PRKDC: variants seen among roughly 807,000 people sequenced by gnomAD.
PRKDC encodes the protein protein kinase, DNA-activated, catalytic subunit, also known as DNA-dependent protein kinase catalytic subunit.
A neutral mutation model predicts 486.9 loss-of-function variants in PRKDC; 82 were observed. The ratio of observed to expected loss-of-function variants is 0.17; its 90% CI spans 0.14 to 0.20. The LOEUF (loss-of-function observed/expected upper bound fraction) is 0.20, where lower values mean the gene tolerates loss of function less well. Ranked by LOEUF, PRKDC falls within the 10% of genes least tolerant of loss-of-function variation. The pLI is 1.00. For missense variants in PRKDC, 4,504 were observed against 5,038.2 expected (o/e 0.89, Z 3.21); for synonymous variants, 1,895 against 1,837.0 (o/e 1.03, Z -0.81).
At position 47,886,123 on chromosome 8, in the gene PRKDC, G is replaced by A. The variant is rs1431371232; in HGVS notation, c.4597C>T (p.Leu1533=). The A allele has an allele frequency of 6.2e-7, 1 of 1,609,488 alleles. No homozygotes were observed. Among genetic ancestry groups the A allele is most frequent in the East Asian group, 2.2e-5 (1 of 44,846 alleles). The change falls in exon 36 of 86, where the codon CTG becomes TTG. Residue 1533 remains leucine (L), a synonymous_variant. Transcript: ENST00000314191. ...GCCGTGGACAGCACCGCTGGGTTCA[G>A]GAGAAGACTCACAAGGCGCTCACAC... ...GLCERLVSLL[L]NPAVLSTASL...
chr8:47,857,401 C>T, intron 48 of PRKDC, 102 bp from the exon 49 acceptor site: 1 of 1,333,154 alleles, frequency 7.5e-7, no homozygotes, highest in Non-Finnish European at 1.0e-6. Flanking sequence ...TATACTATGA[C>T]TGGACCTAAA....
In PRKDC at chr8:47,773,885, G is replaced by A. The variant is rs1336786350; in HGVS notation, c.*288C>T. 3.4e-6 allele frequency: 1 copy of A among 292,498 alleles called. No homozygotes were observed. Among genetic ancestry groups the A allele is most frequent in the Non-Finnish European group, 6.3e-6 (1 of 157,626 alleles). The allele number at this position is 292,498 out of a possible 1,614,324, so 18.1% of individuals were successfully genotyped here. A position where few individuals can be genotyped will look rare whatever the true frequency, so the allele number is the denominator to read the frequency against. On this transcript the variant is annotated 3_prime_UTR_variant, in exon 86 of 86. Transcript: ENST00000314191. ...AACTTGCAGCACTTGTAAATGCTTT[G>A]AAAGCTGATCACATATTATATTCTT...
At chr8:47,861,052 A>C in intron 44 of PRKDC, 81 bp from the exon 45 acceptor site, 2 of 919,092 alleles carry the variant, frequency 2.2e-6, no homozygotes, top group Non-Finnish European at 3.1e-6. Context: ...CAATCTGGCA[A>C]AAAAAAAATT....
chr8:47,853,287 G>A lies in PRKDC; in HGVS notation c.6894-503C>T, dbSNP rs8178167. Among the ~76,000 whole-genome samples the A allele has an allele frequency of 3.9e-3, 590 of 152,346 alleles. 4 individuals carry two copies. The highest frequency in any genetic ancestry group is 0.013 in the African/African-American group (558 of 41,576). On this transcript the variant is annotated intron_variant, in intron 51 of 85. Transcript: ENST00000314191. ...GCCCCAGCCAGTGACTGTCTAAAAG[G>A]AGCCGAGTTCCCACTGAGGCTGCCG...
intron 49 of PRKDC, 121 bp downstream of exon 49, chr8:47,857,035 T>C: frequency 8.9e-7 from 1 of 1,121,690 alleles, no homozygotes; most frequent in Non-Finnish European, 1.2e-6. Flanking sequence ...ACCAGCAATG[T>C]AGCAACAAAT....
At chr8:47,935,392 C>G (rs920141360) in intron 13 of PRKDC, among the ~76,000 whole-genome samples, 3 of 151,824 alleles carry the variant, frequency 2.0e-5, no homozygotes, top group Non-Finnish European at 2.9e-5. Flanking sequence ...CCCAGCTACT[C>G]TGGAAGCTGA....
At chr8:47,930,627 TAACA>T (rs2090234303) in intron 17 of PRKDC, 41 bp downstream of exon 17, 1 of 1,505,792 alleles carries the variant, frequency 6.6e-7, no homozygotes, top group African/African-American at 1.4e-5. Context: ...AGCCAATAAC[TAACA>T]ATCATTTTCA....
In PRKDC at chr8:47,930,731, G is replaced by C; in HGVS notation, c.1833C>G (p.Asn611Lys). Residue 611 changes from asparagine (N) to lysine (K), a missense_variant, in exon 17 of 86, where the codon AAC (asparagine) becomes AAG (lysine). Around this residue, in one of 6 missense-constraint regions of PRKDC, gnomAD observed 1,969 missense variants for 2,068.9 expected, o/e 0.95. Coordinates refer to ENST00000314191, the MANE Select transcript of PRKDC (RefSeq NM_006904.7). ...WMIPTSDPAA[N>K]LHPAKPKDFS... ...AATCTTTAGGTTTAGCTGGATGCAA[G>C]TTAGCCGCTGGATCTGAAGTTGGGA... is the stretch of plus-strand genomic sequence containing the variant. 1 of 1,592,192 alleles carries C rather than the reference G, an allele frequency of 6.3e-7. No individual in the cohort carries two copies. The highest frequency in any genetic ancestry group is 1.2e-5 in the South Asian group (1 of 86,904).
intron 68 of PRKDC, among the ~76,000 whole-genome samples, chr8:47,809,384 T>A (rs1261781088): frequency 1.3e-5 from 2 of 152,178 alleles, no homozygotes; most frequent in Non-Finnish European, 2.9e-5. Flanking sequence ...TACAAGTGGG[T>A]ACTGGATTAA....
At chr8:47,893,069 C>G in intron 31 of PRKDC, 70 bp downstream of exon 31, 1 of 1,454,410 alleles carries the variant, frequency 6.9e-7, no homozygotes, top group East Asian at 2.4e-5. Flanking sequence ...GGATTCTGAC[C>G]TGGCAGAGCC....
chr8:47,899,032 C>T (rs1476929596), intron 28 of PRKDC, among the ~76,000 whole-genome samples: 3 of 152,188 alleles, frequency 2.0e-5, no homozygotes, highest in Non-Finnish European at 4.4e-5. Flanking sequence ...ACTACGGTAT[C>T]GTTTGGTAAT....
chr8:47,877,932 T>C (rs904790279), intron 39 of PRKDC, 81 bp from the exon 40 acceptor site: 19 of 1,060,700 alleles, frequency 1.8e-5, no homozygotes, highest in South Asian at 7.0e-5. Context: ...ACTAAAAATA[T>C]AAAAAGTTTC....
In PRKDC at chr8:47,809,449, T is replaced by C. The variant is rs1038250133; in HGVS notation, c.9558-2123A>G. Among the ~76,000 whole-genome samples the C allele has an allele frequency of 2.0e-5, 3 of 152,144 alleles. No individual in the cohort carries two copies. The East Asian group carries it at 5.8e-4, about 29-fold the overall frequency. On this transcript the variant is annotated intron_variant, in intron 68 of 85. Transcript: ENST00000314191. ...CATAAATGTCTCCTACCAGTGTGAA[T>C]AAAGTGCCTGGGATCTCAGGAAAGG...
chr8:47,953,572 A>C (rs1275488983), intron 7 of PRKDC, 48 bp downstream of exon 7: 1 of 1,490,198 alleles, frequency 6.7e-7, no homozygotes, highest in Non-Finnish European at 9.2e-7. Context: ...ATTGCTGGTT[A>C]GACTTACAGT....
chr8:47,859,367 C>G (rs1244832732), intron 46 of PRKDC, among the ~76,000 whole-genome samples: 1 of 152,184 alleles, frequency 6.6e-6, no homozygotes, highest in East Asian at 1.9e-4. Flanking sequence ...GAGTGCACCT[C>G]AGGTCAGAGC....
Position 47,859,626 on chromosome 8 carries a change from A to C in PRKDC, c.6192T>G (p.Gly2064=). Residue 2064 remains glycine, a synonymous_variant, in exon 46 of 86, where the codon GGT becomes GGG. Coordinates refer to ENST00000314191, the MANE Select transcript of PRKDC (RefSeq NM_006904.7). ...ATGTGATCACCCGTCTCCGAAAACG[A>C]CCAGTGGCAGGTCTAGGGTCTTGGG... The part of the protein sequence containing the change: ...YSSQDPRPAT[G]RFRRREQRDP... 6.2e-7 allele frequency: 1 copy of C among 1,610,156 alleles called. No individual in the cohort carries two copies. The highest frequency in any genetic ancestry group is 8.5e-7 in the Non-Finnish European group (1 of 1,178,880).
intron 22 of PRKDC, among the ~76,000 whole-genome samples, chr8:47,916,176 C>T (rs550460722): frequency 1.3e-5 from 2 of 152,276 alleles, no homozygotes; most frequent in Admixed American, 1.3e-4. Flanking sequence ...AGGCTGGGCG[C>T]AGTGGCTCAC....
intron 40 of PRKDC, among the ~76,000 whole-genome samples, chr8:47,866,582 A>G (rs1296935557): frequency 6.6e-6 from 1 of 152,252 alleles, no homozygotes; most frequent in African/African-American, 2.4e-5. Context: ...CAAATTAAAT[A>G]TATAAAAATA....
chr8:47,851,865 C>T (rs370752092), intron 52 of PRKDC, among the ~76,000 whole-genome samples: 28 of 152,254 alleles, frequency 1.8e-4, no homozygotes, highest in Admixed American at 1.3e-4. Flanking sequence ...GCAGCAAGAT[C>T]CCCAGGGATC....
Sources: allele counts gnomAD v4.1 joint callset (sites outside exome capture counted in the v4.1 genomes callset), GRCh38; gene constraint gnomAD v4.1.1; regional missense constraint gnomAD v4.1.1; transcripts MANE v1.5; gene names NCBI Gene and HGNC (gene_info 2026-07-23, HGNC 2026-07-21).